ZNF469: variants seen among roughly 807,000 people sequenced by gnomAD.
ZNF469 encodes zinc finger protein 469.
Under a neutral mutation model 1.0 loss-of-function variants are expected in ZNF469, and 1 was observed. The observed-to-expected ratio is 1.00, with a 90% confidence interval of 0.35 to 4.73. The LOEUF (loss-of-function observed/expected upper bound fraction) is 4.73. Ranked by LOEUF, ZNF469 falls within the 30% of genes most tolerant of loss-of-function variation. ZNF469 has a pLI of 0.16. For synonymous variants in ZNF469, 2,703 were observed against 2,363.4 expected, an observed-to-expected ratio of 1.14 and a Z score of -4.17; for missense variants, 6,100 against 5,356.3, an observed-to-expected ratio of 1.14 and a Z score of -4.33.
the ZNF469 span, among the ~76,000 whole-genome samples, chr16:88,266,981 G>A: frequency 6.6e-3 from 1,002 of 152,356 alleles, 3 homozygotes; most frequent in African/African-American, 0.023. Context: ...CATAACCAGG[G>A]GGGCCCTGGA....
the ZNF469 span, among the ~76,000 whole-genome samples, chr16:88,236,653 G>T: frequency 7.2e-5 from 11 of 152,310 alleles, no homozygotes; most frequent in African/African-American, 2.6e-4. Context: ...GATCACCTGA[G>T]GTCAGGAGTT....
chr16:88,272,244 A>G, the ZNF469 span, among the ~76,000 whole-genome samples: 1 of 109,708 alleles, frequency 9.1e-6, no homozygotes, highest in African/African-American at 3.3e-5. Context: ...TGGATGGATG[A>G]GAAGTAATGA....
the ZNF469 span, among the ~76,000 whole-genome samples, chr16:88,119,438 T>TGCACGGCTGGGA: frequency 1.3e-5 from 2 of 152,256 alleles, no homozygotes; most frequent in Non-Finnish European, 2.9e-5. Context: ...AGAATAACCT[T>TGCACGGCTGGGA]GCACGGCTGG....
chr16:88,223,391 A>C, the ZNF469 span, among the ~76,000 whole-genome samples: 1 of 152,180 alleles, frequency 6.6e-6, no homozygotes, highest in African/African-American at 2.4e-5. Flanking sequence ...TGAGTCCATT[A>C]AACCTCTTTT....
the ZNF469 span, among the ~76,000 whole-genome samples, chr16:88,299,421 G>A: frequency 1.3e-5 from 2 of 152,204 alleles, no homozygotes; most frequent in Non-Finnish European, 2.9e-5. Flanking sequence ...AGAGGCTCCA[G>A]GTGCCGGCAG....
At chr16:88,127,513 G>A in the ZNF469 span, among the ~76,000 whole-genome samples, 151,915 of 152,286 alleles carry the variant, frequency 1, 75,773 homozygotes, top group Middle Eastern at 1. Flanking sequence ...CTTATGAGAA[G>A]ATTTGTTTAA....
At chr16:88,306,374 A>T in the ZNF469 span, among the ~76,000 whole-genome samples, 61 of 152,330 alleles carry the variant, frequency 4.0e-4, no homozygotes, top group Admixed American at 3.9e-3. Context: ...GAGCTCTCGC[A>T]CTAGCCTGTC....
chr16:88,152,674 AT>A, the ZNF469 span, among the ~76,000 whole-genome samples: 12 of 150,954 alleles, frequency 7.9e-5, no homozygotes, highest in Non-Finnish European at 1.3e-4. The surrounding 1 kb of genome is among the most constrained non-coding windows in gnomAD (Gnocchi z 4.2). Context: ...CTCTGGATGG[AT>A]TTTTTTTTAA....
the ZNF469 span, among the ~76,000 whole-genome samples, chr16:88,291,690 T>G: frequency 6.6e-6 from 1 of 151,722 alleles, no homozygotes. Context: ...GGGAGCCCCG[T>G]GCGGAAGCAC....
At chr16:88,145,518 G>T in the ZNF469 span, among the ~76,000 whole-genome samples, 1 of 152,270 alleles carries the variant, frequency 6.6e-6, no homozygotes, top group Non-Finnish European at 1.5e-5. Context: ...TCTTGGGTTT[G>T]CCGCTGTTGG....
chr16:88,167,133 C>A, the ZNF469 span, among the ~76,000 whole-genome samples: 1 of 140,776 alleles, frequency 7.1e-6, no homozygotes, highest in Non-Finnish European at 1.5e-5. Flanking sequence ...GTGATCTTGG[C>A]TCACTGTAAC....
chr16:88,184,404 G>A, the ZNF469 span, among the ~76,000 whole-genome samples: 3 of 151,988 alleles, frequency 2.0e-5, no homozygotes, highest in Non-Finnish European at 4.4e-5. Flanking sequence ...CAAAGCCGCA[G>A]CCAATGAGAA....
upstream of ZNF469, among the ~76,000 whole-genome samples, chr16:88,381,974 G>A (rs533307769): frequency 2.6e-5 from 4 of 152,372 alleles, no homozygotes; most frequent in South Asian, 2.1e-4. Flanking sequence ...TTGAACTTGC[G>A]TAAGTAAAGC....
the ZNF469 span, among the ~76,000 whole-genome samples, chr16:88,306,857 G>A: frequency 1.3e-5 from 2 of 152,212 alleles, no homozygotes; most frequent in Non-Finnish European, 2.9e-5. Context: ...TTAGATATAA[G>A]TCATATACCA....
chr16:88,439,315 A>G lies in ZNF469; in HGVS notation c.11845A>G (p.Lys3949Glu). 6.5e-7 allele frequency: 1 copy of G among 1,550,344 alleles called. No individual in the cohort carries two copies. The highest frequency in any genetic ancestry group is 8.7e-7 in the Non-Finnish European group (1 of 1,146,984). The change falls in exon 3 of 3, where the codon AAA (lysine) becomes GAA (glutamate). Residue 3949 changes from lysine (K) to glutamate (E), a missense_variant. Transcript: ENST00000565624. ...AACTGGCTTCAAAATCCCTTTAAAG[A>G]AAGATGCTTCCGAGTAATTTCTAGG... ...RLTGFKIPLK[K>E]DASE is the part of the protein sequence containing the mutation.
rs1167966930 is a variant in ZNF469, at chr16:88,432,281, A to G, written c.4811A>G (p.Glu1604Gly). The G allele has an allele frequency of 6.5e-7, 1 of 1,547,370 alleles. No individual in the cohort carries two copies. The highest frequency in any genetic ancestry group is 1.2e-5 in the South Asian group (1 of 84,052). Reference sequence around the variant, plus strand: ...AGGGTGGAGCTCGGCACAGGCACAGAGCCACCCTCCCAACGGCGCACCTGC... The same window carrying G: ...AGGGTGGAGCTCGGCACAGGCACAGGGCCACCCTCCCAACGGCGCACCTGC... Reference protein sequence around the residue: ...VGRVELGTGTEPPSQRRTCQA... With the variant: ...VGRVELGTGTGPPSQRRTCQA... The change falls in exon 3 of 3, where the codon GAG (glutamate) becomes GGG (glycine). Residue 1604 changes from glutamate to glycine, a missense_variant. By Grantham distance (98) the Glu-to-Gly change is moderately conservative. Coordinates refer to ENST00000565624, the MANE Select transcript of ZNF469 (RefSeq NM_001367624.2).
At chr16:88,419,693 C>T (rs1005216180) in intron 1 of ZNF469, among the ~76,000 whole-genome samples, 1 of 152,198 alleles carries the variant, frequency 6.6e-6, no homozygotes, top group Non-Finnish European at 1.5e-5. Context: ...CCCTCCTCAA[C>T]GTTCCTCCAA....
the ZNF469 span, among the ~76,000 whole-genome samples, chr16:88,228,778 A>AT: frequency 6.6e-6 from 1 of 152,202 alleles, no homozygotes; most frequent in South Asian, 2.1e-4. Flanking sequence ...CTGGAAAACA[A>AT]TTTTCATACA....
the ZNF469 span, among the ~76,000 whole-genome samples, chr16:88,347,410 G>A: frequency 6.6e-6 from 1 of 152,052 alleles, no homozygotes; most frequent in Non-Finnish European, 1.5e-5. Flanking sequence ...ACTGAGCCGC[G>A]GGCACACCCA....
Sources: gnomAD v4.1 joint callset for allele counts (sites outside exome capture counted in the v4.1 genomes callset) on GRCh38, gnomAD v4.1.1 for gene constraint, Gnocchi (gnomAD v3.1) non-coding constraint, MANE v1.5 for transcripts, NCBI Gene and HGNC (gene_info 2026-07-23, HGNC 2026-07-21) for gene names.